DENND5B: variants seen among roughly 807,000 people sequenced by gnomAD.
The protein encoded by DENND5B is DENN domain-containing protein 5B.
A neutral mutation model predicts 140.6 loss-of-function variants in DENND5B; 34 were observed. The ratio of observed to expected loss-of-function variants is 0.24; its 90% confidence interval spans 0.18 to 0.32. DENND5B has a LOEUF of 0.32. Ranked by LOEUF, DENND5B falls within the 10% of genes least tolerant of loss-of-function variation. The pLI is 1.00. For synonymous variants in DENND5B, 551 were observed against 562.1 expected, an observed-to-expected ratio of 0.98 and a Z score of 0.28; for missense variants, 1,142 against 1,560.2, an observed-to-expected ratio of 0.73 and a Z score of 4.52.
intron 13 of DENND5B, among the ~76,000 whole-genome samples, chr12:31,409,674 TCACC>T (rs1381112333): frequency 1.3e-5 from 2 of 152,112 alleles, no homozygotes; most frequent in South Asian, 4.1e-4. Flanking sequence ...GGATGGGGTT[TCACC>T]ATGTTGGCCA....
At chr12:31,584,678 T>G (rs1950333094) in intron 1 of DENND5B, among the ~76,000 whole-genome samples, 1 of 151,396 alleles carries the variant, frequency 6.6e-6, no homozygotes, top group Non-Finnish European at 1.5e-5. Context: ...AATACAAAAA[T>G]TAGCCAGGCA....
At chr12:31,502,038 C>T (rs1591937374) in intron 1 of DENND5B, among the ~76,000 whole-genome samples, 3 of 151,916 alleles carry the variant, frequency 2.0e-5, no homozygotes, top group East Asian at 1.9e-4. Context: ...TCAATCTTGC[C>T]GGGCGCAGTG....
intron 1 of DENND5B, among the ~76,000 whole-genome samples, chr12:31,554,411 T>A (rs974873775): frequency 5.9e-5 from 9 of 152,228 alleles, no homozygotes; most frequent in Non-Finnish European, 1.2e-4. Context: ...TTCTGGCTTG[T>A]AGAATTTCTG....
In DENND5B at chr12:31,413,436, T is replaced by C. The variant is rs1239184355; in HGVS notation, c.2681A>G (p.Lys894Arg). Residue 894 changes from lysine (K) to arginine (R), a missense_variant and splice_region_variant, in exon 13 of 21, where the codon AAG becomes AGG. Lys to Arg is a conservative substitution (Grantham distance 26). Around this residue, in one of 5 missense-constraint regions of DENND5B, gnomAD observed 268 missense variants for 349.2 expected, o/e 0.77. Coordinates refer to ENST00000389082, the MANE Select transcript of DENND5B (RefSeq NM_144973.4). ...KQLLSNQPLT[K>R]KLYKRYAFLR... ...AAATGTATCAAAGATGGTATCTTACTTGGTGAGTGGTTGGTTAGAAAGCAA... is the reference window on the plus strand; with the variant it reads ...AAATGTATCAAAGATGGTATCTTACCTGGTGAGTGGTTGGTTAGAAAGCAA... The C allele has an allele frequency of 6.2e-7, 1 of 1,611,432 alleles. No homozygotes were observed. Among genetic ancestry groups the C allele is most frequent in the East Asian group, 2.2e-5 (1 of 44,838 alleles).
chr12:31,472,730 A>G (rs944156518), intron 3 of DENND5B, among the ~76,000 whole-genome samples: 1 of 152,184 alleles, frequency 6.6e-6, no homozygotes, highest in African/African-American at 2.4e-5. Context: ...GTAAGAAGGG[A>G]AAGATTACAA....
At chr12:31,513,599 CTCTTT>C (rs1465797012) in intron 1 of DENND5B, among the ~76,000 whole-genome samples, 1 of 152,126 alleles carries the variant, frequency 6.6e-6, no homozygotes, top group Non-Finnish European at 1.5e-5. Flanking sequence ...CCATTTACAA[CTCTTT>C]TATTTGGCTC....
Position 31,460,392 on chromosome 12 carries a change from C to G in DENND5B, c.905-11G>C, listed in dbSNP as rs1346190785. On this transcript the variant is annotated splice_polypyrimidine_tract_variant and intron_variant, in intron 3 of 20. Coordinates refer to ENST00000389082, the MANE Select transcript of DENND5B (RefSeq NM_144973.4). ...TCAGGCGTTGATAATCTGCACAGAA[C>G]AAGGAAAAAGGAAAGGGAAGAGTCC... 1 of 1,604,904 alleles carries G rather than the reference C, an allele frequency of 6.2e-7. No individual in the cohort carries two copies. Among genetic ancestry groups the G allele is most frequent in the East Asian group, 2.2e-5 (1 of 44,702 alleles).
At chr12:31,410,095 T>G (rs1467628335) in intron 13 of DENND5B, among the ~76,000 whole-genome samples, 1 of 152,222 alleles carries the variant, frequency 6.6e-6, no homozygotes, top group African/African-American at 2.4e-5. Flanking sequence ...ATCTATTTTA[T>G]CTATCAAACT....
intron 1 of DENND5B, among the ~76,000 whole-genome samples, chr12:31,545,716 GGCTAAGCC>G (rs1948832127): frequency 1.3e-5 from 2 of 152,148 alleles, no homozygotes; most frequent in South Asian, 4.1e-4. Flanking sequence ...CACTTTGGGA[GGCTAAGCC>G]AGGTGGATGG....
intron 6 of DENND5B, 128 bp downstream of exon 6, chr12:31,447,410 G>A (rs1944320584): frequency 1.3e-6 from 1 of 781,514 alleles, no homozygotes; most frequent in African/African-American, 1.7e-5. Flanking sequence ...AGCATTTCGT[G>A]ATATAGTACC....
chr12:31,408,283 A>G (rs1246560099), intron 14 of DENND5B, among the ~76,000 whole-genome samples: 1 of 151,982 alleles, frequency 6.6e-6, no homozygotes, highest in Non-Finnish European at 1.5e-5. Context: ...TAGGTGACAG[A>G]GCCAGACACC....
chr12:31,503,923 T>C (rs539341441), intron 1 of DENND5B, among the ~76,000 whole-genome samples: 1 of 152,270 alleles, frequency 6.6e-6, no homozygotes, highest in Non-Finnish European at 1.5e-5. Context: ...TTAAACAAAA[T>C]CATTAATAAA....
In DENND5B at chr12:31,540,724, C is replaced by T. The variant is rs545754773; in HGVS notation, c.128-44805G>A. On this transcript the variant is annotated intron_variant, in intron 1 of 20. Transcript: ENST00000389082. ...AACAAACCTAAAATTTACATGGAAC[C>T]ACAAAAGACCCAGAATAGCCAAAGC... 2.4e-3 allele frequency among the ~76,000 whole-genome samples: 362 copies of T among 148,768 alleles called. 1 individual carries two copies. Among genetic ancestry groups the T allele is most frequent in the African/African-American group, 8.7e-3 (351 of 40,328 alleles).
At position 31,403,812 on chromosome 12, in the gene DENND5B, C is replaced by T. The variant is rs1439382975; in HGVS notation, c.2804-1169G>A. Among the ~76,000 whole-genome samples, 4 of 143,140 alleles carry T rather than the reference C, an allele frequency of 2.8e-5. No individual in the cohort carries two copies. In the Admixed American group the frequency reaches 3.1e-4, roughly 11 times the overall value. The allele number at this position is 143,140 out of a possible 152,430, so 93.9% of individuals were successfully genotyped here. On this transcript the variant is annotated intron_variant, in intron 14 of 20. Coordinates refer to ENST00000389082, the MANE Select transcript of DENND5B (RefSeq NM_144973.4). ...TCAGGAGGCTGAGGCAGGAGAATCG[C>T]TTGAACCCGGGAGGCAGAGGTTGCA... is the stretch of plus-strand genomic sequence containing the variant.
chr12:31,589,529 A>G (rs1259421), intron 1 of DENND5B, among the ~76,000 whole-genome samples: 11,814 of 152,056 alleles, frequency 0.078, 1,043 homozygotes, highest in African/African-American at 0.22. Context: ...GTTGATGGGG[A>G]CTGTATTTTA....
intron 12 of DENND5B, among the ~76,000 whole-genome samples, chr12:31,414,034 T>G (rs1942599483): frequency 6.6e-6 from 1 of 152,216 alleles, no homozygotes; most frequent in Non-Finnish European, 1.5e-5. Flanking sequence ...ATATGAAATC[T>G]TACTTTCTAT....
chr12:31,577,864 CTG>C (rs1950070384), intron 1 of DENND5B, among the ~76,000 whole-genome samples: 1 of 152,046 alleles, frequency 6.6e-6, no homozygotes, highest in Non-Finnish European at 1.5e-5. Flanking sequence ...TGGCTCACGC[CTG>C]TAAACCTAAG....
At chr12:31,510,435 C>T (rs895413241) in intron 1 of DENND5B, among the ~76,000 whole-genome samples, 1 of 152,198 alleles carries the variant, frequency 6.6e-6, no homozygotes, top group African/African-American at 2.4e-5. Flanking sequence ...CCTGCCTCAG[C>T]CTCCCGGGTA....
chr12:31,557,008 T>C (rs750673811), intron 1 of DENND5B, among the ~76,000 whole-genome samples: 8 of 152,128 alleles, frequency 5.3e-5, no homozygotes, highest in Admixed American at 1.3e-4. Context: ...AGTAAGAGAA[T>C]CTGTAAATAA....
Sources: gnomAD v4.1 joint callset for allele counts (sites outside exome capture counted in the v4.1 genomes callset) on GRCh38, gnomAD v4.1.1 for gene constraint, gnomAD v4.1.1 regional missense constraint, MANE v1.5 for transcripts, NCBI Gene and HGNC (gene_info 2026-07-23, HGNC 2026-07-21) for gene names.